Variants in CNTLN observed in about 807,000 individuals in gnomAD.
CNTLN encodes centlein, also known as centlein, centrosomal protein.
CNTLN carries 212 observed loss-of-function variants against 180.0 expected under a neutral mutation model. The ratio of observed to expected loss-of-function variants is 1.18; its 90% CI spans 1.05 to 1.32. The LOEUF is 1.32. CNTLN is among the 40% of genes most tolerant of loss of function. The probability of loss-of-function intolerance (pLI) is 0.00; values close to 1 mark genes in which losing one functional copy is unlikely to be tolerated. For missense variants in CNTLN, 2,095 were observed against 1,610.9 expected, an observed-to-expected ratio of 1.30 and a Z score of -5.14; for synonymous variants, 722 against 563.1, an observed-to-expected ratio of 1.28 and a Z score of -3.99.
intron 5 of CNTLN, among the ~76,000 whole-genome samples, chr9:17,259,227 G>A (rs1826755176): frequency 6.7e-6 from 1 of 149,642 alleles, no homozygotes; most frequent in African/African-American, 2.5e-5. Context: ...CATCTATTGA[G>A]ATAATCATGT....
intron 12 of CNTLN, among the ~76,000 whole-genome samples, chr9:17,350,848 C>G (rs985867793): frequency 6.6e-6 from 1 of 152,138 alleles, no homozygotes; most frequent in African/African-American, 2.4e-5. Context: ...AGAGTTTCAG[C>G]TGAGTTCAAA....
At chr9:17,403,830 C>T (rs60964536) in intron 15 of CNTLN, among the ~76,000 whole-genome samples, 8,646 of 151,668 alleles carry the variant, frequency 0.057, 613 homozygotes, top group East Asian at 0.25. Flanking sequence ...GACTGGAGTG[C>T]AGTGGTGTGA....
At chr9:17,172,805 T>G (rs2131662039) in intron 2 of CNTLN, among the ~76,000 whole-genome samples, 1 of 152,310 alleles carries the variant, frequency 6.6e-6, no homozygotes, top group East Asian at 1.9e-4. Flanking sequence ...CTTATAAGTG[T>G]GTACACATTC....
intron 5 of CNTLN, among the ~76,000 whole-genome samples, chr9:17,266,171 A>T (rs1227183174): frequency 6.6e-6 from 1 of 151,944 alleles, no homozygotes; most frequent in Non-Finnish European, 1.5e-5. Context: ...TCTTTTGGGC[A>T]TTTAGTGCTA....
chr9:17,510,712 G>T, the CNTLN span, among the ~76,000 whole-genome samples: 3 of 152,140 alleles, frequency 2.0e-5, no homozygotes, highest in African/African-American at 4.8e-5. Flanking sequence ...GACTTGCTAG[G>T]CTCCATAATT....
rs187173254 is a variant in CNTLN at position 17,496,050 on chromosome 9, A to G, written c.4120-6501A>G. On this transcript the variant is annotated intron_variant, in intron 25 of 25. Transcript: ENST00000380647. ...AATGTATTTCTCAAAATGCATCCCTATTGCTAAGTGATGCATAACTGTATT... is the reference window on the plus strand; with the variant it reads ...AATGTATTTCTCAAAATGCATCCCTGTTGCTAAGTGATGCATAACTGTATT... Among the ~76,000 whole-genome samples the G allele has an allele frequency of 3.2e-3, 485 of 152,230 alleles. 1 individual carries two copies. The highest frequency in any genetic ancestry group is 5.5e-3 in the Non-Finnish European group (372 of 68,006).
Position 17,469,894 on chromosome 9 carries a change from T to C in CNTLN, c.3855+3003T>C, listed in dbSNP as rs146609136. 4.1e-3 allele frequency among the ~76,000 whole-genome samples: 617 copies of C among 151,978 alleles called. 2 individuals carry two copies. Among genetic ancestry groups the C allele is most frequent in the Non-Finnish European group, 4.9e-3 (330 of 67,834 alleles). On this transcript the variant is annotated intron_variant, in intron 23 of 25. Coordinates refer to ENST00000380647, the MANE Select transcript of CNTLN (RefSeq NM_017738.4). ...CTGATTCCTTGTGCCTCAGTTTCCT[T>C]ATCTGTAGAATGAGTTTAATAATGG...
At chr9:17,193,322 A>G (rs1821910413) in intron 2 of CNTLN, among the ~76,000 whole-genome samples, 1 of 152,222 alleles carries the variant, frequency 6.6e-6, no homozygotes, top group Non-Finnish European at 1.5e-5. Context: ...GTCTCATCTG[A>G]GACAAGACAA....
At chr9:17,256,442 G>A (rs1826493602) in intron 5 of CNTLN, among the ~76,000 whole-genome samples, 2 of 151,714 alleles carry the variant, frequency 1.3e-5, no homozygotes, top group Non-Finnish European at 2.9e-5. Flanking sequence ...TGACTGTTTA[G>A]TAAAAGCCAT....
intron 18 of CNTLN, among the ~76,000 whole-genome samples, chr9:17,423,264 A>C (rs556800407): frequency 6.6e-6 from 1 of 152,300 alleles, no homozygotes; most frequent in African/African-American, 2.4e-5. Context: ...CTCTTTAGTC[A>C]GCAGGTAATG....
intron 6 of CNTLN, among the ~76,000 whole-genome samples, chr9:17,290,126 C>G (rs185558941): frequency 6.6e-6 from 1 of 152,172 alleles, no homozygotes; most frequent in African/African-American, 2.4e-5. Context: ...TGTTTTTTCC[C>G]CATCTTTGTG....
At chr9:17,476,880 T>G (rs1832379348) in intron 23 of CNTLN, among the ~76,000 whole-genome samples, 1 of 152,228 alleles carries the variant, frequency 6.6e-6, no homozygotes, top group Admixed American at 6.5e-5. Context: ...ATTTTCTATG[T>G]AGACAAAACA....
intron 7 of CNTLN, among the ~76,000 whole-genome samples, chr9:17,308,778 C>T (rs1279991419): frequency 6.6e-6 from 1 of 151,600 alleles, no homozygotes; most frequent in South Asian, 2.1e-4. Context: ...CATTCTTTTC[C>T]TATATTACAC....
chr9:17,160,164 T>A (rs1819581286), intron 2 of CNTLN, among the ~76,000 whole-genome samples: 1 of 152,170 alleles, frequency 6.6e-6, no homozygotes, highest in South Asian at 2.1e-4. Context: ...CTTTTTAATT[T>A]TTTTATCTGA....
At chr9:17,489,207 T>C (rs1833029516) in intron 25 of CNTLN, among the ~76,000 whole-genome samples, 1 of 152,012 alleles carries the variant, frequency 6.6e-6, no homozygotes, top group African/African-American at 2.4e-5. Context: ...TAGAAAAGGT[T>C]TTCTTTGCCC....
chr9:17,334,144 C>T (rs1010823667), intron 10 of CNTLN, among the ~76,000 whole-genome samples: 1 of 152,130 alleles, frequency 6.6e-6, no homozygotes. Context: ...ACTGCACCCT[C>T]TGCCTCCCAG....
intron 5 of CNTLN, among the ~76,000 whole-genome samples, chr9:17,268,542 C>G (rs200020699): frequency 1.3e-5 from 2 of 152,132 alleles, no homozygotes; most frequent in African/African-American, 4.8e-5. Flanking sequence ...CCGCGTGCTG[C>G]GAGAACCACT....
chr9:17,348,791 A>G (rs1587729962), intron 12 of CNTLN, among the ~76,000 whole-genome samples: 1 of 152,060 alleles, frequency 6.6e-6, no homozygotes, highest in East Asian at 1.9e-4. Flanking sequence ...TGGCCTCCCA[A>G]AGTGCTGGGA....
the CNTLN span, among the ~76,000 whole-genome samples, chr9:17,516,824 C>G: frequency 6.6e-6 from 1 of 152,136 alleles, no homozygotes; most frequent in African/African-American, 2.4e-5. Context: ...CCAACAACAG[C>G]AAGAACTTGA....
Sources: gnomAD v4.1 joint callset for allele counts (sites outside exome capture counted in the v4.1 genomes callset) on GRCh38, gnomAD v4.1.1 for gene constraint, MANE v1.5 for transcripts, NCBI Gene and HGNC (gene_info 2026-07-23, HGNC 2026-07-21) for gene names.